Variants in CATSPERT observed in about 807,000 individuals in gnomAD.
The protein encoded by CATSPERT is catsper channel auxiliary subunit tau, also known as cation channel sperm-associated targeting subunit tau.
chr2:201,540,866 G>A, the CATSPERT span, among the ~76,000 whole-genome samples: 1 of 152,078 alleles, frequency 6.6e-6, no homozygotes, highest in Non-Finnish European at 1.5e-5. Flanking sequence ...AAAGTAAATC[G>A]AAAACCTTCT....
the CATSPERT span, chr2:201,604,716 A>G: frequency 2.6e-6 from 4 of 1,528,880 alleles, no homozygotes; most frequent in Non-Finnish European, 3.6e-6. Flanking sequence ...TAAATAAATT[A>G]AGATTTGGGA....
At chr2:201,612,430 C>T in the CATSPERT span, among the ~76,000 whole-genome samples, 1 of 151,902 alleles carries the variant, frequency 6.6e-6, no homozygotes, top group Non-Finnish European at 1.5e-5. Context: ...AAAAATTCAC[C>T]TGGCCTGGTG....
At chr2:201,563,625 T>A in the CATSPERT span, among the ~76,000 whole-genome samples, 1 of 152,256 alleles carries the variant, frequency 6.6e-6, no homozygotes, top group Non-Finnish European at 1.5e-5. Flanking sequence ...ATCTTTTTGA[T>A]ACCTTTGTAG....
chr2:201,494,705 T>C, the CATSPERT span: 2 of 1,533,504 alleles, frequency 1.3e-6, no homozygotes, highest in Non-Finnish European at 1.7e-6. Flanking sequence ...CTGACTGACA[T>C]TTTGTTTATA....
the CATSPERT span, chr2:201,545,719 C>CTTTGATT: frequency 1.3e-6 from 1 of 749,078 alleles, no homozygotes; most frequent in Non-Finnish European, 1.9e-6. Context: ...TTCATAACTA[C>CTTTGATT]TTTTAATACA....
the CATSPERT span, among the ~76,000 whole-genome samples, chr2:201,528,535 A>G: frequency 2.0e-5 from 3 of 152,210 alleles, no homozygotes; most frequent in Non-Finnish European, 2.9e-5. Context: ...GGTAGATTGG[A>G]TAAGGCAAAT....
chr2:201,603,665 G>A, the CATSPERT span, among the ~76,000 whole-genome samples: 145,705 of 152,296 alleles, frequency 0.96, 69,961 homozygotes, highest in Non-Finnish European at 1. Context: ...TTTATCCAGT[G>A]TCCTAAGACC....
chr2:201,547,001 C>T, the CATSPERT span, among the ~76,000 whole-genome samples: 1 of 152,004 alleles, frequency 6.6e-6, no homozygotes, highest in African/African-American at 2.4e-5. Flanking sequence ...AAAAACATAG[C>T]AAGCAAAAGA....
the CATSPERT span, among the ~76,000 whole-genome samples, chr2:201,615,816 TAAGA>T: frequency 6.6e-6 from 1 of 151,972 alleles, no homozygotes. Flanking sequence ...CTAGCAAGAC[TAAGA>T]AAGAAGAAAA....
chr2:201,527,539 T>C, the CATSPERT span, among the ~76,000 whole-genome samples: 1 of 152,098 alleles, frequency 6.6e-6, no homozygotes, highest in Non-Finnish European at 1.5e-5. Flanking sequence ...CAAAACAGCA[T>C]GGTATTGGTA....
the CATSPERT span, among the ~76,000 whole-genome samples, chr2:201,589,213 T>C: frequency 6.6e-6 from 1 of 152,166 alleles, no homozygotes; most frequent in East Asian, 1.9e-4. Flanking sequence ...GCTATTCTTA[T>C]TAAACCCCCA....
the CATSPERT span, among the ~76,000 whole-genome samples, chr2:201,540,662 A>G: frequency 6.6e-6 from 1 of 152,236 alleles, no homozygotes; most frequent in Non-Finnish European, 1.5e-5. Context: ...CTGCTCAGTG[A>G]CAATGCACCT....
chr2:201,551,749 A>G, the CATSPERT span, among the ~76,000 whole-genome samples: 1 of 152,118 alleles, frequency 6.6e-6, no homozygotes. Flanking sequence ...TACTAAAAAT[A>G]CAAAAAATAT....
chr2:201,608,161 T>C, the CATSPERT span, among the ~76,000 whole-genome samples: 1 of 152,154 alleles, frequency 6.6e-6, no homozygotes, highest in African/African-American at 2.4e-5. Context: ...TTTTGGGTCA[T>C]GGGGCAGACA....
chr2:201,501,687 A>G, the CATSPERT span, among the ~76,000 whole-genome samples: 1 of 152,292 alleles, frequency 6.6e-6, no homozygotes, highest in African/African-American at 2.4e-5. Context: ...GACTCAAACT[A>G]TTAAGATCAG....
the CATSPERT span, among the ~76,000 whole-genome samples, chr2:201,525,386 A>G: frequency 2.0e-5 from 3 of 152,202 alleles, no homozygotes; most frequent in Non-Finnish European, 4.4e-5. Flanking sequence ...TTAAGGCAGA[A>G]ATCAAGAAAT....
chr2:201,619,104 C>T, the CATSPERT span: 4 of 1,614,182 alleles, frequency 2.5e-6, no homozygotes. Context: ...TGCTGAAAGG[C>T]CTATTTGTCT....
the CATSPERT span, among the ~76,000 whole-genome samples, chr2:201,548,439 A>G: frequency 6.6e-6 from 1 of 152,134 alleles, no homozygotes; most frequent in African/African-American, 2.4e-5. Context: ...TTCCAAAGGC[A>G]ATGCCTCCAA....
chr2:201,504,954 T>C, the CATSPERT span, among the ~76,000 whole-genome samples: 2 of 152,246 alleles, frequency 1.3e-5, no homozygotes, highest in South Asian at 4.1e-4. Context: ...TTAGGCCATC[T>C]GCCAGGTAAA....
Sources: gnomAD v4.1 joint callset for allele counts (sites outside exome capture counted in the v4.1 genomes callset) on GRCh38, gnomAD v4.1.1 for gene constraint, MANE v1.5 for transcripts, NCBI Gene and HGNC (gene_info 2026-07-23, HGNC 2026-07-21) for gene names.